The following USO1 variants were observed in gnomAD, a reference collection of about 807,000 sequenced individuals.
USO1 encodes the protein USO1 vesicle transport factor.
Under a neutral mutation model 124.5 loss-of-function variants are expected in USO1, and 57 were observed. That is an observed-to-expected ratio of 0.46 (90% CI 0.37 to 0.57). The LOEUF (loss-of-function observed/expected upper bound fraction) is 0.57, where lower values mean the gene tolerates loss of function less well. Among genes scored for constraint, USO1 ranks in the 20% least tolerant of loss-of-function variants. The pLI, the probability that USO1 is intolerant of heterozygous loss-of-function variation, is 0.00. For missense variants in USO1, 900 were observed against 1,040.6 expected, an observed-to-expected ratio of 0.86 and a Z score of 1.86; for synonymous variants, 369 against 362.8, an observed-to-expected ratio of 1.02 and a Z score of -0.19.
chr4:75,775,759 C>G (rs1157497279), intron 8 of USO1, among the ~76,000 whole-genome samples: 2 of 152,076 alleles, frequency 1.3e-5, no homozygotes, highest in African/African-American at 2.4e-5. Flanking sequence ...TATTCCTATT[C>G]CACTTCTGTA....
chr4:75,771,235 A>C, intron 7 of USO1, 98 bp downstream of exon 7: 1 of 1,335,490 alleles, frequency 7.5e-7, no homozygotes, highest in Non-Finnish European at 1.0e-6. Flanking sequence ...TAGATTTAGA[A>C]AGCTGGAGTA....
intron 1 of USO1, among the ~76,000 whole-genome samples, chr4:75,743,352 G>C (rs779049870): frequency 6.6e-6 from 1 of 152,114 alleles, no homozygotes; most frequent in Non-Finnish European, 1.5e-5. Flanking sequence ...TACTCATTGA[G>C]TCGGTTTTCC....
chr4:75,788,176 T>TA (rs1722419993), intron 10 of USO1, among the ~76,000 whole-genome samples: 4 of 130,182 alleles, frequency 3.1e-5, no homozygotes, highest in African/African-American at 1.0e-4. Context: ...TATTTATTTT[T>TA]TTTTTTTTTT....
intron 1 of USO1, among the ~76,000 whole-genome samples, chr4:75,747,496 A>G (rs1721157892): frequency 6.6e-6 from 1 of 151,130 alleles, no homozygotes; most frequent in South Asian, 2.1e-4. Context: ...GCTGGGCTTG[A>G]GTTCCTAGCC....
chr4:75,810,152 T>TA (rs1287136945), intron 21 of USO1, among the ~76,000 whole-genome samples: 1 of 152,214 alleles, frequency 6.6e-6, no homozygotes, highest in Non-Finnish European at 1.5e-5. Flanking sequence ...GGGTTACAGT[T>TA]ACATTAGAGC....
chr4:75,789,566 C>T (rs375495040), intron 10 of USO1, among the ~76,000 whole-genome samples: 2 of 152,164 alleles, frequency 1.3e-5, no homozygotes, highest in South Asian at 2.1e-4. Context: ...TGAGTCACCA[C>T]GCCTGGCCTC....
intron 13 of USO1, among the ~76,000 whole-genome samples, chr4:75,794,735 C>T (rs1373375639): frequency 3.3e-5 from 5 of 152,188 alleles, no homozygotes; most frequent in Non-Finnish European, 7.4e-5. Flanking sequence ...AATCCTGCCA[C>T]ACTCGTTGAA....
chr4:75,749,614 G>T (rs1384890073), intron 1 of USO1, among the ~76,000 whole-genome samples: 2 of 150,916 alleles, frequency 1.3e-5, no homozygotes, highest in African/African-American at 4.9e-5. Context: ...GCCCAGGCTG[G>T]TCTCAAACTC....
intron 13 of USO1, among the ~76,000 whole-genome samples, chr4:75,797,560 C>CA (rs34297170): frequency 0.54 from 60,556 of 111,150 alleles, 16,672 homozygotes; most frequent in East Asian, 0.8. Context: ...GTTCCAGAAG[C>CA]AAAAAAAAAA....
chr4:75,777,478 A>T (rs1560450402), intron 8 of USO1, among the ~76,000 whole-genome samples: 1 of 152,190 alleles, frequency 6.6e-6, no homozygotes. Context: ...TATATTTAGA[A>T]CTCTTAAAAC....
chr4:75,726,578 A>AAT (rs1553895758), intron 1 of USO1, among the ~76,000 whole-genome samples: 4 of 152,052 alleles, frequency 2.6e-5, no homozygotes, highest in African/African-American at 9.7e-5. Context: ...AAAAAAAAAA[A>AAT]AAATAACTGC....
Position 75,808,975 on chromosome 4 carries a change from A to C in USO1, c.2399A>C (p.Gln800Pro). The C allele has an allele frequency of 1.2e-6, 2 of 1,603,090 alleles. No homozygotes were observed. The highest frequency in any genetic ancestry group is 1.7e-6 in the Non-Finnish European group (2 of 1,174,792). ...TAGGAACTGGCAACTTTAAAGTCTC[A>C]GTTAAACTCACAATCTGTGGAGATC... The part of the protein sequence containing the change: ...LKQELATLKS[Q>P]LNSQSVEITK... Residue 800 changes from glutamine (Q) to proline (P), a missense_variant, in exon 21 of 24, where the codon CAG (glutamine) becomes CCG (proline). By Grantham distance (76) the Gln-to-Pro change is moderately conservative (BLOSUM62 -1). Coordinates refer to ENST00000514213, the MANE Select transcript of USO1 (RefSeq NM_003715.4).
chr4:75,731,383 G>A (rs1720626261), intron 1 of USO1, among the ~76,000 whole-genome samples: 1 of 152,018 alleles, frequency 6.6e-6, no homozygotes, highest in Non-Finnish European at 1.5e-5. Context: ...CCAACATGAC[G>A]AAACCCTGTC....
intron 12 of USO1, 121 bp downstream of exon 12, chr4:75,790,918 A>C (rs1215833422): frequency 2.4e-5 from 30 of 1,234,520 alleles, no homozygotes; most frequent in Non-Finnish European, 2.9e-5. Context: ...AGAGAAAAAA[A>C]AAAAACAAAA....
chr4:75,740,903 A>G (rs1720940544), intron 1 of USO1, among the ~76,000 whole-genome samples: 1 of 152,196 alleles, frequency 6.6e-6, no homozygotes, highest in South Asian at 2.1e-4. Flanking sequence ...TTTGGTGTAC[A>G]TCCTTCTACA....
In USO1 at chr4:75,799,710, A is replaced by G; in HGVS notation, c.1541A>G (p.His514Arg). The G allele has an allele frequency of 6.2e-7, 1 of 1,613,764 alleles. No individual in the cohort carries two copies. Among genetic ancestry groups the G allele is most frequent in the South Asian group, 1.1e-5 (1 of 91,084 alleles). Residue 514 changes from histidine to arginine, a missense_variant, in exon 14 of 24, where the codon CAC becomes CGC. Around this residue, in one of 2 missense-constraint regions of USO1, gnomAD observed 538 missense variants for 681.6 expected, o/e 0.79. Coordinates refer to ENST00000514213, the MANE Select transcript of USO1 (RefSeq NM_003715.4). ...NCPIAVTHFL[H>R]NSANVPFLTG... ...CCCATTGCAGTAACGCATTTTCTTC[A>G]CAATTCAGCCAATGTTCCATTTGTA...
intron 9 of USO1, 126 bp downstream of exon 9, chr4:75,782,984 T>A: frequency 7.8e-7 from 1 of 1,284,072 alleles, no homozygotes; most frequent in Non-Finnish European, 1.0e-6. Flanking sequence ...AAAAAAACTG[T>A]AATATGGAAA....
At chr4:75,735,455 C>T (rs1309795374) in intron 1 of USO1, among the ~76,000 whole-genome samples, 1 of 152,066 alleles carries the variant, frequency 6.6e-6, no homozygotes, top group East Asian at 1.9e-4. Flanking sequence ...ATTAGGACTT[C>T]CTCCTTTAAA....
intron 12 of USO1, among the ~76,000 whole-genome samples, chr4:75,791,889 G>A (rs549680990): frequency 6.6e-4 from 100 of 152,198 alleles, no homozygotes; most frequent in Non-Finnish European, 1.2e-3. Context: ...TCAAAATGTG[G>A]CATTTCCTTA....
Sources: gnomAD v4.1 joint callset for allele counts (sites outside exome capture counted in the v4.1 genomes callset) on GRCh38, gnomAD v4.1.1 for gene constraint, gnomAD v4.1.1 regional missense constraint, MANE v1.5 for transcripts, NCBI Gene and HGNC (gene_info 2026-07-23, HGNC 2026-07-21) for gene names.